Variants in SDK2 observed in about 807,000 individuals in gnomAD.
The protein encoded by SDK2 is protein sidekick-2.
In SDK2, 105 loss-of-function variants were observed where a neutral mutation model predicts 253.9. The observed-to-expected ratio is 0.41, with a 90% CI of 0.35 to 0.49. SDK2 has a LOEUF of 0.49. SDK2 is among the 20% of genes least tolerant of loss of function. The pLI, the probability that SDK2 is intolerant of heterozygous loss-of-function variation, is 0.06. For missense variants in SDK2, 2,608 were observed against 3,003.0 expected, an observed-to-expected ratio of 0.87 and a Z score of 3.07; for synonymous variants, 1,249 against 1,234.9, an observed-to-expected ratio of 1.01 and a Z score of -0.24.
chr17:73,392,436 T>C (rs1288119418), intron 27 of SDK2, among the ~76,000 whole-genome samples: 3 of 151,940 alleles, frequency 2.0e-5, no homozygotes, highest in Non-Finnish European at 4.4e-5. Flanking sequence ...ACCCGGCTAA[T>C]TTTTATATTT....
intron 2 of SDK2, among the ~76,000 whole-genome samples, chr17:73,473,958 C>G (rs1447955093): frequency 1.3e-5 from 2 of 152,066 alleles, no homozygotes; most frequent in African/African-American, 4.8e-5. Context: ...AAGGACATTT[C>G]TGGGATGACA....
intron 1 of SDK2, among the ~76,000 whole-genome samples, chr17:73,515,873 C>T (rs2145776702): frequency 6.6e-6 from 1 of 152,288 alleles, no homozygotes; most frequent in African/African-American, 2.4e-5. Context: ...GATGGAAACT[C>T]CTGCCCCAGA....
At chr17:73,588,207 C>G (rs1481475832) in intron 1 of SDK2, among the ~76,000 whole-genome samples, 5 of 142,728 alleles carry the variant, frequency 3.5e-5, no homozygotes, top group Admixed American at 1.4e-4. Context: ...ACCCCCCCCC[C>G]TCCCCCGCCA....
rs2045949282 is a variant in SDK2, at chr17:73,609,592, G to C, written c.64+34433C>G. ...GCAGTGGAAGCTGACAGGGAAAACG[G>C]CTCAAGAGAAGGTTTGTTTTTTCAA... On this transcript the variant is annotated intron_variant, in intron 1 of 44. Coordinates refer to ENST00000392650, the MANE Select transcript of SDK2 (RefSeq NM_001144952.2). This position sits in a 1 kb window ranked among gnomAD's most constrained non-coding sequence, Gnocchi z 4.4. Among the ~76,000 whole-genome samples, 1 of 152,314 alleles carries C rather than the reference G, an allele frequency of 6.6e-6. No individual in the cohort carries two copies. The highest frequency in any genetic ancestry group is 2.4e-5 in the African/African-American group (1 of 41,570).
chr17:73,534,844 A>G lies in SDK2; in HGVS notation c.65-27247T>C, dbSNP rs2044746312. Among the ~76,000 whole-genome samples, 1 of 151,680 alleles carries G rather than the reference A, an allele frequency of 6.6e-6. No individual in the cohort carries two copies. Among genetic ancestry groups the G allele is most frequent in the African/African-American group, 2.4e-5 (1 of 41,370 alleles). On this transcript the variant is annotated intron_variant, in intron 1 of 44. Coordinates refer to ENST00000392650, the MANE Select transcript of SDK2 (RefSeq NM_001144952.2). The surrounding 1 kb of genome is among the most constrained non-coding windows in gnomAD (Gnocchi z 4.9). ...GGGGGCAGCGGGCCGGGCTCCCTGG[A>G]CTCCTTTGCATCTTCTAGGCCTCCT...
At chr17:73,469,984 G>GCGCA (rs1414669296) in intron 3 of SDK2, among the ~76,000 whole-genome samples, 1 of 86,848 alleles carries the variant, frequency 1.2e-5, no homozygotes, top group South Asian at 4.5e-4. Flanking sequence ...TTGCGACTGC[G>GCGCA]CGCGCGCGCA....
intron 29 of SDK2, 104 bp from the exon 30 acceptor site, chr17:73,388,141 G>T: frequency 1.3e-6 from 1 of 787,384 alleles, no homozygotes; most frequent in Non-Finnish European, 2.1e-6. Flanking sequence ...GCTCAGGCCT[G>T]GCATCCCCTT....
At chr17:73,466,810 C>T (rs567750951) in intron 3 of SDK2, among the ~76,000 whole-genome samples, 4 of 151,466 alleles carry the variant, frequency 2.6e-5, no homozygotes, top group East Asian at 1.9e-4. Context: ...GGTCATGACC[C>T]TGAAGGTCAC....
chr17:73,540,777 G>T (rs892440364), intron 1 of SDK2, among the ~76,000 whole-genome samples: 5 of 152,184 alleles, frequency 3.3e-5, no homozygotes, highest in African/African-American at 7.2e-5. Flanking sequence ...GGGCACCCAT[G>T]CCAGTGACCT....
chr17:73,390,591 T>G lies in SDK2; in HGVS notation c.3998-110A>C. The G allele has an allele frequency of 2.6e-6, 3 of 1,134,858 alleles. No individual in the cohort carries two copies. In the Admixed American group the frequency reaches 7.6e-5, roughly 29 times the overall value. The allele number at this position is 1,134,858 out of a possible 1,614,324, so 70.3% of individuals were successfully genotyped here. A position where few individuals can be genotyped will look rare whatever the true frequency, so the allele number is the denominator to read the frequency against. ...ACAGCTGTGTCTGTACATGGCCACC[T>G]TGCCGTGGTCCCTTTGGCTGTGGTC... On this transcript the variant is annotated intron_variant, in intron 28 of 44. Transcript: ENST00000392650.
chr17:73,637,856 G>A (rs746131570), intron 1 of SDK2, among the ~76,000 whole-genome samples: 3 of 152,356 alleles, frequency 2.0e-5, no homozygotes, highest in South Asian at 4.1e-4. Context: ...GGCTTCAGCA[G>A]AGACCCAGGG....
intron 2 of SDK2, among the ~76,000 whole-genome samples, chr17:73,483,896 A>G (rs977544791): frequency 2.0e-5 from 3 of 151,394 alleles, no homozygotes; most frequent in African/African-American, 7.3e-5. Flanking sequence ...CACAGAAGAC[A>G]AGCCCTGTCC....
intron 2 of SDK2, among the ~76,000 whole-genome samples, chr17:73,502,128 A>G (rs936493902): frequency 6.6e-5 from 10 of 151,932 alleles, no homozygotes; most frequent in Non-Finnish European, 1.2e-4. Flanking sequence ...CACCAGACCC[A>G]TTTGGCTACA....
rs2062381857 is a variant in SDK2, at chr17:73,336,739, G to A, written c.*1848C>T. 1 of 152,790 alleles carries A rather than the reference G, an allele frequency of 6.5e-6. No homozygotes were observed. Among genetic ancestry groups the A allele is most frequent in the Non-Finnish European group, 1.5e-5 (1 of 68,176 alleles). The allele number at this position is 152,790 out of a possible 1,614,324, so 9.5% of individuals were successfully genotyped here. A position where few individuals can be genotyped will look rare whatever the true frequency, so the allele number is the denominator to read the frequency against. On this transcript the variant is annotated 3_prime_UTR_variant, in exon 45 of 45. Coordinates refer to ENST00000392650, the MANE Select transcript of SDK2 (RefSeq NM_001144952.2). Reference sequence around the variant, plus strand: ...TGAACTCTGCTCACCCACCCCAACAGAGCATCATCTCTTGGGCAGGGCCAG... The same window carrying A: ...TGAACTCTGCTCACCCACCCCAACAAAGCATCATCTCTTGGGCAGGGCCAG...
At chr17:73,494,314 C>A (rs1171555894) in intron 2 of SDK2, among the ~76,000 whole-genome samples, 1 of 152,176 alleles carries the variant, frequency 6.6e-6, no homozygotes, top group Non-Finnish European at 1.5e-5. Context: ...TAAGACAGGG[C>A]TTGGCCTGGA....
At chr17:73,479,052 C>T (rs1440925427) in intron 2 of SDK2, among the ~76,000 whole-genome samples, 4 of 152,270 alleles carry the variant, frequency 2.6e-5, no homozygotes, top group Non-Finnish European at 1.5e-5. Context: ...CAAACTCATA[C>T]ATGACTGTGC....
chr17:73,565,968 C>T (rs1361988483), intron 1 of SDK2, among the ~76,000 whole-genome samples: 1 of 152,262 alleles, frequency 6.6e-6, no homozygotes, highest in African/African-American at 2.4e-5. Flanking sequence ...GGACTACGGG[C>T]GCATGCCACC....
intron 44 of SDK2, among the ~76,000 whole-genome samples, chr17:73,342,570 C>T (rs757520617): frequency 3.3e-5 from 5 of 152,210 alleles, no homozygotes; most frequent in Admixed American, 6.5e-5. Flanking sequence ...CCTACAGGTT[C>T]GGTCTTTCCA....
intron 36 of SDK2, among the ~76,000 whole-genome samples, chr17:73,372,502 C>T (rs992874230): frequency 4.6e-5 from 7 of 152,162 alleles, no homozygotes; most frequent in East Asian, 3.9e-4. Flanking sequence ...ATTATAATCA[C>T]GAACCTGCCA....
Sources: allele counts gnomAD v4.1 joint callset (sites outside exome capture counted in the v4.1 genomes callset), GRCh38; gene constraint gnomAD v4.1.1; non-coding constraint Gnocchi (gnomAD v3.1); transcripts MANE v1.5; gene names NCBI Gene and HGNC (gene_info 2026-07-23, HGNC 2026-07-21).